The following PTER variants were observed in gnomAD, a reference collection of about 807,000 sequenced individuals.
PTER encodes the protein phosphotriesterase related.
PTER carries 38 observed loss-of-function variants against 29.6 expected under a neutral mutation model. The ratio of observed to expected loss-of-function variants is 1.28; its 90% CI spans 0.99 to 1.68. The LOEUF (loss-of-function observed/expected upper bound fraction) is 1.68. PTER is among the 40% of genes most tolerant of loss of function. The probability of loss-of-function intolerance (pLI) is 0.00; values close to 1 mark genes in which losing one functional copy is unlikely to be tolerated. For missense variants in PTER, 482 were observed against 427.8 expected (o/e 1.13, Z -1.12); for synonymous variants, 172 against 154.5 (o/e 1.11, Z -0.84).
intron 1 of PTER, among the ~76,000 whole-genome samples, chr10:16,480,860 A>G (rs1452637272): frequency 1.3e-5 from 2 of 152,234 alleles, no homozygotes; most frequent in African/African-American, 4.8e-5. Flanking sequence ...ATTTTGTAGA[A>G]GTTGATTTAT....
intron 1 of PTER, among the ~76,000 whole-genome samples, chr10:16,461,679 G>C (rs1834618218): frequency 2.0e-5 from 3 of 152,074 alleles, no homozygotes; most frequent in Non-Finnish European, 2.9e-5. Context: ...TTCTTTCCTA[G>C]ACCATTAATA....
At chr10:16,484,160 G>C (rs1022881559) in intron 1 of PTER, among the ~76,000 whole-genome samples, 177 bp from the exon 2 acceptor site, 3 of 152,158 alleles carry the variant, frequency 2.0e-5, no homozygotes, top group East Asian at 3.8e-4. Context: ...ACGTCACTTA[G>C]ATCTGCAGTG....
chr10:16,484,707 A>G lies in PTER; in HGVS notation c.323A>G (p.Gln108Arg). Residue 108 changes from glutamine to arginine, a missense_variant, in exon 2 of 5, where the codon CAG becomes CGG. Coordinates refer to ENST00000535784, the MANE Select transcript of PTER (RefSeq NM_001261836.2). ...ACCACTGGGATTAGCCGAGACACAC[A>G]GACGTTGAAGAGGCTTGCAGAAGAG... Reference protein sequence around the residue: ...NTTTGISRDTQTLKRLAEETG... With the variant: ...NTTTGISRDTRTLKRLAEETG... 1 of 1,614,186 alleles carries G rather than the reference A, an allele frequency of 6.2e-7. No homozygotes were observed.
intron 3 of PTER, 43 bp from the exon 4 acceptor site, chr10:16,504,977 T>A: frequency 6.2e-7 from 1 of 1,606,398 alleles, no homozygotes; most frequent in Non-Finnish European, 8.5e-7. Flanking sequence ...ATGTGGAAAA[T>A]GGGCTCTTCA....
intron 1 of PTER, among the ~76,000 whole-genome samples, chr10:16,466,140 TTACAAG>T (rs1485236890): frequency 2.0e-5 from 3 of 152,118 alleles, no homozygotes; most frequent in Non-Finnish European, 4.4e-5. Flanking sequence ...CAAAATCTAG[TTACAAG>T]TACAACTCTC....
intron 4 of PTER, among the ~76,000 whole-genome samples, chr10:16,508,642 C>G (rs183208627): frequency 0.01 from 1,530 of 152,110 alleles, 10 homozygotes; most frequent in Non-Finnish European, 0.015. Context: ...TATAGCTATT[C>G]TGGATGTATG....
intron 3 of PTER, among the ~76,000 whole-genome samples, chr10:16,504,259 T>G (rs1175084832): frequency 6.6e-6 from 1 of 152,218 alleles, no homozygotes; most frequent in Non-Finnish European, 1.5e-5. Flanking sequence ...CTCTGTACTC[T>G]ACGCTTGTCT....
At chr10:16,438,798 G>A (rs1342806032) in intron 1 of PTER, among the ~76,000 whole-genome samples, 1 of 151,264 alleles carries the variant, frequency 6.6e-6, no homozygotes, top group Non-Finnish European at 1.5e-5. Flanking sequence ...GGGCATGCCT[G>A]TAATCCCAGC....
intron 1 of PTER, among the ~76,000 whole-genome samples, chr10:16,464,446 AG>A (rs1182374296): frequency 2.6e-5 from 4 of 152,284 alleles, no homozygotes; most frequent in Admixed American, 1.3e-4. Flanking sequence ...AAGTTGGAGC[AG>A]GGGGGAAAAC....
intron 3 of PTER, among the ~76,000 whole-genome samples, chr10:16,502,941 A>T (rs948693958): frequency 2.1e-5 from 3 of 145,744 alleles, no homozygotes; most frequent in Non-Finnish European, 4.5e-5. Context: ...TTGAGCCGAG[A>T]TCACGCCACT....
chr10:16,448,770 A>G (rs79319509), intron 1 of PTER, among the ~76,000 whole-genome samples: 7,130 of 152,320 alleles, frequency 0.047, 269 homozygotes, highest in East Asian at 0.18. Flanking sequence ...ACACAAAGCC[A>G]GAGAGATGAT....
chr10:16,509,574 T>C (rs986015196), intron 4 of PTER, among the ~76,000 whole-genome samples: 3 of 152,234 alleles, frequency 2.0e-5, no homozygotes, highest in African/African-American at 7.2e-5. Flanking sequence ...TATACCGTGA[T>C]ACTTCTTTGC....
At chr10:16,487,307 C>T (rs1028748537) in intron 3 of PTER, among the ~76,000 whole-genome samples, 1 of 152,164 alleles carries the variant, frequency 6.6e-6, no homozygotes, top group Non-Finnish European at 1.5e-5. Flanking sequence ...CCAAAGGCTG[C>T]AGGGAGAATC....
intron 1 of PTER, among the ~76,000 whole-genome samples, chr10:16,468,163 G>A (rs1457819337): frequency 6.6e-6 from 1 of 152,046 alleles, no homozygotes; most frequent in Non-Finnish European, 1.5e-5. Context: ...CCAACATGGC[G>A]AAACCCCGTC....
intron 1 of PTER, among the ~76,000 whole-genome samples, chr10:16,451,966 G>T (rs1190768215): frequency 6.6e-6 from 1 of 151,956 alleles, no homozygotes; most frequent in Non-Finnish European, 1.5e-5. Context: ...CAGAGTGTTG[G>T]CTATGCCTGT....
At chr10:16,462,185 C>T (rs1247580786) in intron 1 of PTER, among the ~76,000 whole-genome samples, 1 of 152,092 alleles carries the variant, frequency 6.6e-6, no homozygotes, top group Non-Finnish European at 1.5e-5. Context: ...GGGGTTTCCC[C>T]ATGAAGGCCA....
chr10:16,446,857 C>T (rs1834031747), intron 1 of PTER, among the ~76,000 whole-genome samples: 2 of 151,936 alleles, frequency 1.3e-5, no homozygotes, highest in African/African-American at 4.8e-5. Context: ...GGTGCAATCT[C>T]GGCTTGCTGC....
chr10:16,455,867 C>T (rs531108024), intron 1 of PTER, among the ~76,000 whole-genome samples: 1 of 152,332 alleles, frequency 6.6e-6, no homozygotes, highest in South Asian at 2.1e-4. Flanking sequence ...TGCTCCACAG[C>T]TTGTTGGTAA....
chr10:16,484,817 G>A lies in PTER; in HGVS notation c.432+1G>A, dbSNP rs1421010082. ...GACCAGGGCCATGTCAGTGGAGCAG[G>A]TAAAAAGCCTAAGTTCTTTGACAGT... On this transcript the variant is annotated splice_donor_variant, in intron 2 of 4. Coordinates refer to ENST00000535784, the MANE Select transcript of PTER (RefSeq NM_001261836.2). LOFTEE classifies it high-confidence loss of function. The A allele has an allele frequency of 1.3e-6, 2 of 1,585,260 alleles. No individual in the cohort carries two copies. The highest frequency in any genetic ancestry group is 1.7e-6 in the Non-Finnish European group (2 of 1,169,872).
Sources: gnomAD v4.1 joint callset for allele counts (sites outside exome capture counted in the v4.1 genomes callset) on GRCh38, gnomAD v4.1.1 for gene constraint, MANE v1.5 for transcripts, NCBI Gene and HGNC (gene_info 2026-07-23, HGNC 2026-07-21) for gene names.